CCDC180: variants seen among roughly 807,000 people sequenced by gnomAD.
The protein encoded by CCDC180 is coiled-coil domain containing 180.
CCDC180 carries 154 observed loss-of-function variants against 209.2 expected under a neutral mutation model. The observed-to-expected ratio is 0.74, with a 90% CI of 0.65 to 0.84. CCDC180 has a LOEUF of 0.84. Ranked by LOEUF, CCDC180 falls within the 40% of genes least tolerant of loss-of-function variation. CCDC180 has a pLI of 0.00. For synonymous variants in CCDC180, 778 were observed against 749.1 expected (o/e 1.04, Z -0.63); for missense variants, 1,874 against 1,997.3 (o/e 0.94, Z 1.18).
chr9:97,357,798 T>C lies in CCDC180; in HGVS notation c.3363+73T>C, dbSNP rs1431457040. On this transcript the variant is annotated intron_variant, in intron 25 of 36. Transcript: ENST00000529487. ...CTAAAGTCATAAATGTGAAATAAAT[T>C]TACCTGTGTGTATAGGATTTCTCCA... 4 of 1,272,416 alleles carry C rather than the reference T, an allele frequency of 3.1e-6. No homozygotes were observed. The African/African-American group carries it at 6.0e-5, about 19-fold the overall frequency. 78.8% of individuals were successfully genotyped at this position (1,272,416 alleles called of 1,614,324 possible).
chr9:97,354,887 T>C lies in CCDC180; in HGVS notation c.3148-5T>C. 6.2e-7 allele frequency: 1 copy of C among 1,605,538 alleles called. No homozygotes were observed. Among genetic ancestry groups the C allele is most frequent in the Non-Finnish European group, 8.5e-7 (1 of 1,172,134 alleles). On this transcript the variant is annotated splice_region_variant and splice_polypyrimidine_tract_variant and intron_variant, in intron 23 of 36. Coordinates refer to ENST00000529487, the MANE Select transcript of CCDC180 (RefSeq NM_020893.6). ...CTGTCCTTTACCCTTTATCTCTCTG[T>C]ACAGGCCAATGATGTCATCAACAAG...
intron 18 of CCDC180, among the ~76,000 whole-genome samples, chr9:97,342,962 T>A (rs1280835861): frequency 6.6e-6 from 1 of 152,238 alleles, no homozygotes; most frequent in Non-Finnish European, 1.5e-5. Flanking sequence ...TAGACTTCTT[T>A]TTGAGCAGGA....
At position 97,374,566 on chromosome 9, in the gene CCDC180, T is replaced by C. The variant is rs1827190225; in HGVS notation, c.4624T>C (p.Leu1542=). The change falls in exon 35 of 37, where the codon TTA becomes CTA. Residue 1542 remains leucine (L), a synonymous_variant. Coordinates refer to ENST00000529487, the MANE Select transcript of CCDC180 (RefSeq NM_020893.6). Reference sequence around the variant, plus strand: ...AGGGATGGAGCCCCCCAAACAGAAATTATCAATGCTCATACGAAGGAAACT... The same window carrying C: ...AGGGATGGAGCCCCCCAAACAGAAACTATCAATGCTCATACGAAGGAAACT... ...VARMEPPKQK[L]SMLIRRKLAG... 1.9e-6 allele frequency: 3 copies of C among 1,613,882 alleles called. No homozygotes were observed. Among genetic ancestry groups the C allele is most frequent in the Non-Finnish European group, 2.5e-6 (3 of 1,179,986 alleles).
intron 36 of CCDC180, 126 bp from the exon 37 acceptor site, chr9:97,376,637 T>C: frequency 1.1e-6 from 1 of 949,370 alleles, no homozygotes; most frequent in East Asian, 2.5e-5. Flanking sequence ...AGAAGTGACT[T>C]GGAGAACTCT....
chr9:97,366,727 G>T lies in CCDC180; in HGVS notation c.4189+27G>T. The T allele has an allele frequency of 6.2e-7, 1 of 1,612,750 alleles. No homozygotes were observed. The highest frequency in any genetic ancestry group is 8.5e-7 in the Non-Finnish European group (1 of 1,179,302). ...TGAGTATAGGCAGCAGGAAGGCACG[G>T]GGAACAGGGCGGGGCGCGAAGCCAG... On this transcript the variant is annotated intron_variant, in intron 31 of 36. Coordinates refer to ENST00000529487, the MANE Select transcript of CCDC180 (RefSeq NM_020893.6). This position sits in a 1 kb window ranked among gnomAD's most constrained non-coding sequence, Gnocchi z 4.3.
In CCDC180 at chr9:97,349,163, C is replaced by G. The variant is rs749060261; in HGVS notation, c.2727C>G (p.Thr909=). 2.0e-6 allele frequency: 3 copies of G among 1,536,136 alleles called. No individual in the cohort carries two copies. Among genetic ancestry groups the G allele is most frequent in the South Asian group, 2.4e-5 (2 of 84,054 alleles). Residue 909 remains threonine, a synonymous_variant, in exon 21 of 37, where the codon ACC becomes ACG. Coordinates refer to ENST00000529487, the MANE Select transcript of CCDC180 (RefSeq NM_020893.6). ...EQLDSHCAGV[T]ETLKKKRLMF... ...TGGACAGCCACTGTGCTGGGGTGAC[C>G]GAGACGCTGAAGAAGAAGCGGCTGA...
At chr9:97,353,015 G>A (rs980785863) in intron 22 of CCDC180, among the ~76,000 whole-genome samples, 4 of 150,834 alleles carry the variant, frequency 2.7e-5, no homozygotes, top group Non-Finnish European at 5.9e-5. Context: ...ATATATATTT[G>A]AGACAGAGTC....
chr9:97,307,867 C>A, intron 1 of CCDC180, 61 bp downstream of exon 1: 3 of 1,605,262 alleles, frequency 1.9e-6, no homozygotes, highest in Non-Finnish European at 2.6e-6. Flanking sequence ...AGCCGCCTAC[C>A]CCCCAGCAGA....
Position 97,376,996 on chromosome 9 carries a change from TC to T in CCDC180, c.*104del. The T allele has an allele frequency of 7.3e-7, 1 of 1,361,718 alleles. No homozygotes were observed. Among genetic ancestry groups the T allele is most frequent in the East Asian group, 2.5e-5 (1 of 39,936 alleles). The allele number at this position is 1,361,718 out of a possible 1,614,324, so 84.4% of individuals were successfully genotyped here. On this transcript the variant is annotated 3_prime_UTR_variant, in exon 37 of 37. Transcript: ENST00000529487. ...GTCCATCCCTCCCTCCCTTCATCCCTCCACCCCTGCTCTGTGCCGGGCACTG... is the reference window on the plus strand; with the variant it reads ...GTCCATCCCTCCCTCCCTTCATCCCTCACCCCTGCTCTGTGCCGGGCACTG...
intron 9 of CCDC180, 54 bp downstream of exon 9, chr9:97,317,282 GGT>G: frequency 7.0e-7 from 1 of 1,425,766 alleles, no homozygotes; most frequent in Non-Finnish European, 9.3e-7. Flanking sequence ...GCTGGCAAAG[GGT>G]AGGGGCGGCA....
At chr9:97,333,503 GTTTTTTTTTTTTTT>G (rs373215367) in intron 18 of CCDC180, among the ~76,000 whole-genome samples, 4 of 72,850 alleles carry the variant, frequency 5.5e-5, no homozygotes, top group Non-Finnish European at 1.0e-4. Context: ...CTGGGTTTGG[GTTTTTTTTTTTTTT>G]TTTTTTTTTT....
At chr9:97,365,442 C>T in intron 29 of CCDC180, 1 of 490,096 alleles carries the variant, frequency 2.0e-6, no homozygotes, top group Non-Finnish European at 3.7e-6. Flanking sequence ...GAAATTGCAG[C>T]TGAGCTGGGG....
intron 18 of CCDC180, among the ~76,000 whole-genome samples, chr9:97,341,917 C>T (rs533162344): frequency 3.3e-5 from 5 of 152,318 alleles, no homozygotes; most frequent in African/African-American, 4.8e-5. Flanking sequence ...CCAGGCTTGC[C>T]GCCTCACAGT....
At position 97,366,581 on chromosome 9, in the gene CCDC180, G is replaced by A. The variant is rs143232808; in HGVS notation, c.4070G>A (p.Arg1357His). 22 of 1,614,108 alleles carry A rather than the reference G, an allele frequency of 1.4e-5. No individual in the cohort carries two copies. The highest frequency in any genetic ancestry group is 8.9e-5 in the East Asian group (4 of 44,870). Reference protein sequence around the residue: ...VAEEFYRKEKRPVTRPDCMCD... With the variant: ...VAEEFYRKEKHPVTRPDCMCD... ...CAGGAGTTCTACCGTAAAGAAAAAC[G>A]CCCAGTCACCAGGCCTGACTGCATG... The change falls in exon 31 of 37, where the codon CGC (arginine) becomes CAC (histidine). Residue 1357 changes from arginine (R) to histidine (H), a missense_variant. By Grantham distance (29) the Arg-to-His change is conservative. Transcript: ENST00000529487. This position sits in a 1 kb window ranked among gnomAD's most constrained non-coding sequence, Gnocchi z 4.3.
chr9:97,327,575 C>T (rs1440147425), intron 15 of CCDC180, among the ~76,000 whole-genome samples: 1 of 152,100 alleles, frequency 6.6e-6, no homozygotes, highest in Admixed American at 6.5e-5. Flanking sequence ...AGAAATAGAA[C>T]GACACTGCCA....
intron 26 of CCDC180, 45 bp from the exon 27 acceptor site, chr9:97,361,681 C>A: frequency 6.3e-7 from 1 of 1,597,528 alleles, no homozygotes; most frequent in Non-Finnish European, 8.5e-7. Context: ...TCGCTGGCAC[C>A]TGGGCTGGTC....
At chr9:97,324,021 A>ACCCTTGTC in intron 13 of CCDC180, 118 bp downstream of exon 13, 1 of 1,242,580 alleles carries the variant, frequency 8.0e-7, no homozygotes, top group East Asian at 2.7e-5. Context: ...GTGTCCGCTC[A>ACCCTTGTC]CCCTTGTCAG....
chr9:97,361,623 C>T, intron 26 of CCDC180, 103 bp from the exon 27 acceptor site: 1 of 1,194,712 alleles, frequency 8.4e-7, no homozygotes, highest in Non-Finnish European at 1.2e-6. Context: ...TGCCTGCAGC[C>T]ACTCCACTGA....
chr9:97,307,940 G>C, intron 1 of CCDC180, 43 bp from the exon 2 acceptor site: 1 of 1,582,130 alleles, frequency 6.3e-7, no homozygotes, highest in Non-Finnish European at 8.6e-7. Flanking sequence ...CGTCCCGCCT[G>C]GACCTGAACC....
Sources: allele counts gnomAD v4.1 joint callset (sites outside exome capture counted in the v4.1 genomes callset), GRCh38; gene constraint gnomAD v4.1.1; non-coding constraint Gnocchi (gnomAD v3.1); transcripts MANE v1.5; gene names NCBI Gene and HGNC (gene_info 2026-07-23, HGNC 2026-07-21).